Variants in PAN3 observed in about 807,000 individuals in gnomAD.
PAN3 encodes poly(A) specific ribonuclease subunit PAN3, also known as PAN2-PAN3 deadenylation complex subunit PAN3.
A neutral mutation model predicts 96.2 loss-of-function variants in PAN3; 19 were observed. That is an observed-to-expected ratio of 0.20 (90% CI 0.14 to 0.29). PAN3 has a LOEUF of 0.29. Among genes scored for constraint, PAN3 ranks in the 10% least tolerant of loss-of-function variants. The pLI is 1.00. For synonymous variants in PAN3, 433 were observed against 406.6 expected (o/e 1.06, Z -0.78); for missense variants, 882 against 1,108.1 (o/e 0.80, Z 2.90).
intron 3 of PAN3, among the ~76,000 whole-genome samples, chr13:28,177,043 T>G (rs1211009273): frequency 6.6e-6 from 1 of 152,122 alleles, no homozygotes; most frequent in African/African-American, 2.4e-5. Flanking sequence ...TGAAGAGATT[T>G]AAGGTTCCTT....
intron 6 of PAN3, 124 bp downstream of exon 6, chr13:28,220,502 T>A (rs1191620646): frequency 1.8e-5 from 22 of 1,206,122 alleles, no homozygotes; most frequent in Non-Finnish European, 2.3e-5. Flanking sequence ...AAGAGCTTTA[T>A]GTTCTAGTTT....
chr13:28,259,657 A>T (rs1885524781), intron 7 of PAN3, among the ~76,000 whole-genome samples: 1 of 151,122 alleles, frequency 6.6e-6, no homozygotes, highest in Non-Finnish European at 1.5e-5. Flanking sequence ...TTATTTATTG[A>T]GACGGGGTTT....
At chr13:28,175,861 TAAG>T (rs1328438687) in intron 2 of PAN3, among the ~76,000 whole-genome samples, 1 of 152,166 alleles carries the variant, frequency 6.6e-6, no homozygotes, top group Non-Finnish European at 1.5e-5. Flanking sequence ...AGACATTAAA[TAAG>T]AAGTTGAGTA....
intron 4 of PAN3, among the ~76,000 whole-genome samples, chr13:28,191,521 G>A (rs1042148592): frequency 2.6e-5 from 4 of 152,056 alleles, no homozygotes; most frequent in African/African-American, 9.7e-5. Flanking sequence ...ATCCTACAAT[G>A]CACAAGACAG....
intron 18 of PAN3, among the ~76,000 whole-genome samples, chr13:28,291,114 A>T (rs1412541016): frequency 6.6e-6 from 1 of 152,172 alleles, no homozygotes; most frequent in African/African-American, 2.4e-5. Flanking sequence ...TTAAAAGGGA[A>T]GGATGGCCAG....
rs147669998 is a variant in PAN3 at position 28,177,800 on chromosome 13, A to G, written c.620-65A>G. 604 of 1,292,262 alleles carry G rather than the reference A, an allele frequency of 4.7e-4. 1 individual carries two copies. In the African/African-American group the frequency reaches 7.8e-3, roughly 17 times the overall value. The allele number at this position is 1,292,262 out of a possible 1,614,324, so 80.0% of individuals were successfully genotyped here. The stretch of plus-strand genomic sequence containing the variant: ...ATTTTTATAGGCATTGTCAAATTAA[A>G]CAGTTATTAGATTTGCGGGTTACCC... On this transcript the variant is annotated intron_variant, in intron 3 of 18. Coordinates refer to ENST00000380958, the MANE Select transcript of PAN3 (RefSeq NM_175854.8).
chr13:28,191,733 C>G (rs1282179073), intron 4 of PAN3, among the ~76,000 whole-genome samples: 4 of 152,260 alleles, frequency 2.6e-5, no homozygotes, highest in African/African-American at 9.6e-5. Context: ...ATGGAATGAT[C>G]CTCAGATTCC....
At chr13:28,255,163 A>G (rs1317477779) in intron 6 of PAN3, among the ~76,000 whole-genome samples, 3 of 152,086 alleles carry the variant, frequency 2.0e-5, no homozygotes, top group Non-Finnish European at 4.4e-5. Context: ...TTATATTGTG[A>G]GGTGGCATAT....
chr13:28,190,864 C>G (rs564023013), intron 4 of PAN3, among the ~76,000 whole-genome samples: 98 of 152,192 alleles, frequency 6.4e-4, no homozygotes, highest in African/African-American at 2.2e-3. Flanking sequence ...GACACACAGC[C>G]AAACTATATC....
At chr13:28,148,763 T>C (rs1412491116) in intron 1 of PAN3, among the ~76,000 whole-genome samples, 1 of 152,222 alleles carries the variant, frequency 6.6e-6, no homozygotes. Context: ...GGAAGCCTAA[T>C]GTACTCTGAA....
rs1566128467 is a variant in PAN3 at position 28,141,009 on chromosome 13, T to TTTTTTTA, written c.430+1928_430+1929insATTTTTT. ...TTACTGACAGAAAGAGACACTTTTT[T>TTTTTTTA]TTTTTTTTTTTTTGAGACGGAGGCT... On this transcript the variant is annotated intron_variant, in intron 1 of 18. Coordinates refer to ENST00000380958, the MANE Select transcript of PAN3 (RefSeq NM_175854.8). Among the ~76,000 whole-genome samples the TTTTTTTA allele has an allele frequency of 2.8e-4, 34 of 120,728 alleles. No individual in the cohort carries two copies. The South Asian group carries it at 4.7e-3, about 17-fold the overall frequency. The allele number at this position is 120,728 out of a possible 152,430, so 79.2% of individuals were successfully genotyped here.
chr13:28,256,432 A>C lies in PAN3; in HGVS notation c.1141A>C (p.Asn381His). The C allele has an allele frequency of 6.2e-7, 1 of 1,614,068 alleles. No individual in the cohort carries two copies. The highest frequency in any genetic ancestry group is 8.5e-7 in the Non-Finnish European group (1 of 1,179,946). ...TTCTAGTGCCTCTACATCTGTTAAT[A>C]ATCCTGTTTCTCAGACTCCGTCTTC... ...VPSSASTSVN[N>H]PVSQTPSSGQ... The change falls in exon 7 of 19, where the codon AAT becomes CAT. Residue 381 changes from asparagine (N) to histidine (H), a missense_variant. Physicochemically the swap from Asn to His is moderately conservative, Grantham distance 68. Transcript: ENST00000380958.
chr13:28,261,944 A>G (rs376758357), intron 9 of PAN3, among the ~76,000 whole-genome samples: 25 of 151,956 alleles, frequency 1.6e-4, no homozygotes, highest in South Asian at 6.2e-4. Context: ...ATATAATTTT[A>G]GAATTCATGG....
In PAN3 at chr13:28,292,445, G is replaced by T. The variant is rs769559937; in HGVS notation, c.2587G>T (p.Val863Leu). 7 of 1,612,374 alleles carry T rather than the reference G, an allele frequency of 4.3e-6. No individual in the cohort carries two copies. The South Asian group carries it at 7.7e-5, about 18-fold the overall frequency. Residue 863 changes from valine (V) to leucine (L), a missense_variant, in exon 19 of 19, where the codon GTG becomes TTG. Coordinates refer to ENST00000380958, the MANE Select transcript of PAN3 (RefSeq NM_175854.8). ...ISRDEKSVLV[V>L]TYSDLKRCFE... The stretch of plus-strand genomic sequence containing the variant: ...CAGAGATGAGAAGAGTGTACTTGTG[G>T]TGACCTACAGTGACTTAAAGCGCTG...
At chr13:28,215,907 C>G in intron 5 of PAN3, 2 of 1,234,842 alleles carry the variant, frequency 1.6e-6, no homozygotes, top group Non-Finnish European at 2.4e-6. Flanking sequence ...AATATTATCC[C>G]TAATACCTGC....
At chr13:28,157,303 A>G (rs559388775) in intron 1 of PAN3, among the ~76,000 whole-genome samples, 2 of 152,168 alleles carry the variant, frequency 1.3e-5, no homozygotes, top group African/African-American at 2.4e-5. Flanking sequence ...GAACTGGAAC[A>G]AGACAAGGAT....
intron 6 of PAN3, among the ~76,000 whole-genome samples, chr13:28,221,137 T>C (rs1336538348): frequency 3.9e-5 from 6 of 152,292 alleles, no homozygotes; most frequent in African/African-American, 1.4e-4. Flanking sequence ...TTTATTTTAG[T>C]ATAAAAATAT....
chr13:28,193,866 T>TA (rs1260104053), intron 4 of PAN3, among the ~76,000 whole-genome samples: 23 of 150,744 alleles, frequency 1.5e-4, no homozygotes, highest in Admixed American at 1.0e-3. Flanking sequence ...GTGTCAAAAG[T>TA]ACATTTGAGG....
At chr13:28,280,597 T>C (rs1887395262) in intron 16 of PAN3, 56 bp downstream of exon 16, 3 of 1,458,952 alleles carry the variant, frequency 2.1e-6, no homozygotes, top group Non-Finnish European at 2.7e-6. Flanking sequence ...AGTCTTGCTT[T>C]GTCACCCAGG....
Sources: gnomAD v4.1 joint callset for allele counts (sites outside exome capture counted in the v4.1 genomes callset) on GRCh38, gnomAD v4.1.1 for gene constraint, MANE v1.5 for transcripts, NCBI Gene and HGNC (gene_info 2026-07-23, HGNC 2026-07-21) for gene names.